Variants in CCDC3 observed in about 807,000 individuals in gnomAD.
CCDC3 encodes the protein coiled-coil domain-containing protein 3.
A neutral mutation model predicts 21.4 loss-of-function variants in CCDC3; 24 were observed. That is an observed-to-expected ratio of 1.12 (90% CI 0.81 to 1.58). The LOEUF is 1.58. Ranked by LOEUF, CCDC3 falls within the 40% of genes most tolerant of loss-of-function variation. CCDC3 has a pLI of 0.00. For synonymous variants in CCDC3, 186 were observed against 166.0 expected (o/e 1.12, Z -0.93); for missense variants, 425 against 360.9 (o/e 1.18, Z -1.44).
At chr10:12,912,513 A>T (rs568597460) in intron 2 of CCDC3, among the ~76,000 whole-genome samples, 121 of 150,682 alleles carry the variant, frequency 8.0e-4, no homozygotes, top group African/African-American at 2.9e-3. Context: ...TTGGTTATTA[A>T]CCCCTTATCA....
At chr10:13,043,564 GC>G (rs1296739540) in intron 5 of CCDC3, among the ~76,000 whole-genome samples, 4 of 152,130 alleles carry the variant, frequency 2.6e-5, no homozygotes, top group African/African-American at 9.7e-5. Flanking sequence ...CTGCATTCCA[GC>G]CAGGGGGGAC....
At position 13,001,233 on chromosome 10, in the gene CCDC3, G is replaced by C. The variant is rs565584330; in HGVS notation, c.338C>G (p.Thr113Ser). ...GAAATAGGAGTAGTCCTGGACCACGGTGTGGGAGTGGCACGAGAAGTAGCC... is the reference window on the plus strand; with the variant it reads ...GAAATAGGAGTAGTCCTGGACCACGCTGTGGGAGTGGCACGAGAAGTAGCC... ...GLGYFSCHSH[T>S]VVQDYSYFFF... Residue 113 changes from threonine to serine, a missense_variant, in exon 1 of 3, where the codon ACC (threonine) becomes AGC (serine). Coordinates refer to ENST00000378825, the MANE Select transcript of CCDC3 (RefSeq NM_031455.4). 15 of 1,577,632 alleles carry C rather than the reference G, an allele frequency of 9.5e-6. No homozygotes were observed. The highest frequency in any genetic ancestry group is 4.0e-5 in the African/African-American group (3 of 74,386).
chr10:12,904,493 A>AAAAAAAAAAAAC (rs1420619424), intron 2 of CCDC3, among the ~76,000 whole-genome samples: 1 of 146,248 alleles, frequency 6.8e-6, no homozygotes, highest in Non-Finnish European at 1.5e-5. Context: ...AAAAAAAAAG[A>AAAAAAAAAAAAC]CTGGCTCAGG....
intron 2 of CCDC3, among the ~76,000 whole-genome samples, chr10:12,969,627 G>A (rs1230817456): frequency 6.7e-6 from 1 of 150,096 alleles, no homozygotes; most frequent in Non-Finnish European, 1.5e-5. Context: ...GATAAAAAAA[G>A]TTTTTTTATA....
intron 3 of CCDC3, among the ~76,000 whole-genome samples, chr10:13,075,950 A>AT (rs1199242462): frequency 1.3e-5 from 2 of 152,128 alleles, no homozygotes; most frequent in Non-Finnish European, 2.9e-5. Flanking sequence ...GTAATCCCAG[A>AT]TATCCAAAGG....
chr10:12,981,849 G>A (rs1835502288), intron 2 of CCDC3, among the ~76,000 whole-genome samples: 1 of 151,994 alleles, frequency 6.6e-6, no homozygotes, highest in East Asian at 1.9e-4. Context: ...GAGCGGCTGG[G>A]CACGGTGGCT....
intron 5 of CCDC3, among the ~76,000 whole-genome samples, chr10:13,038,010 T>A (rs1286952856): frequency 6.6e-6 from 1 of 152,136 alleles, no homozygotes; most frequent in Non-Finnish European, 1.5e-5. Flanking sequence ...AGAGAAAATG[T>A]GGTACCATGG....
intron 5 of CCDC3, among the ~76,000 whole-genome samples, chr10:13,043,723 T>G (rs558792634): frequency 6.6e-6 from 1 of 152,364 alleles, no homozygotes. Context: ...CCCTGGTGCA[T>G]ATGTACCACA....
chr10:13,098,707 C>T (rs1832665663), intron 2 of CCDC3: 1 of 77,106 alleles, frequency 1.3e-5, no homozygotes, highest in Non-Finnish European at 2.4e-5. Context: ...ATTTCCTGCA[C>T]TGATTTTTTT....
intron 4 of CCDC3, among the ~76,000 whole-genome samples, chr10:13,062,370 C>T (rs535563410): frequency 2.8e-4 from 43 of 152,246 alleles, no homozygotes; most frequent in Non-Finnish European, 5.9e-4. Context: ...CATAAGATGC[C>T]ATGGGATGCT....
At chr10:13,085,196 G>C (rs1038701256) in intron 3 of CCDC3, among the ~76,000 whole-genome samples, 1 of 152,104 alleles carries the variant, frequency 6.6e-6, no homozygotes, top group African/African-American at 2.4e-5. Flanking sequence ...AGCAAGCCTG[G>C]GTCCCAGCCC....
chr10:12,963,919 C>T (rs182163046), intron 2 of CCDC3, among the ~76,000 whole-genome samples: 141 of 152,268 alleles, frequency 9.3e-4, no homozygotes, highest in African/African-American at 2.9e-3. Flanking sequence ...CTGTCTTTCA[C>T]ATGGCCATTA....
intron 2 of CCDC3, among the ~76,000 whole-genome samples, chr10:12,904,107 AT>A (rs1389208766): frequency 6.6e-6 from 1 of 151,888 alleles, no homozygotes; most frequent in Admixed American, 6.6e-5. Context: ...TGAGTATTTC[AT>A]GGGAGCTGGA....
At chr10:12,913,474 T>A (rs151188829) in intron 2 of CCDC3, among the ~76,000 whole-genome samples, 14 of 152,332 alleles carry the variant, frequency 9.2e-5, no homozygotes, top group South Asian at 8.3e-4. Context: ...GCTCTAATAG[T>A]TTTGGGTGGA....
At chr10:13,045,729 T>G (rs189311402) in intron 5 of CCDC3, among the ~76,000 whole-genome samples, 81 of 152,314 alleles carry the variant, frequency 5.3e-4, no homozygotes, top group African/African-American at 1.6e-3. Flanking sequence ...CTCATCAACA[T>G]TTTTCTCATT....
intron 2 of CCDC3, among the ~76,000 whole-genome samples, chr10:12,917,534 G>T (rs1200242229): frequency 1.3e-5 from 2 of 152,122 alleles, no homozygotes; most frequent in African/African-American, 2.4e-5. Flanking sequence ...GAGATACTGT[G>T]ATCTCTCACC....
At chr10:12,950,727 C>G (rs745536382) in intron 2 of CCDC3, among the ~76,000 whole-genome samples, 1 of 152,178 alleles carries the variant, frequency 6.6e-6, no homozygotes, top group Admixed American at 6.5e-5. Context: ...ATGTCAGAAA[C>G]CCTTAGAAGC....
At chr10:13,034,833 T>G (rs1026775159) in intron 5 of CCDC3, among the ~76,000 whole-genome samples, 1 of 152,062 alleles carries the variant, frequency 6.6e-6, no homozygotes, top group South Asian at 2.1e-4. Context: ...GAGACCAGCC[T>G]GGCCAACATG....
rs986574623 is a variant in CCDC3 at position 13,089,517 on chromosome 10, T to C, written c.-503+9008A>G. 3.9e-5 allele frequency among the ~76,000 whole-genome samples: 6 copies of C among 152,126 alleles called. No homozygotes were observed. The South Asian group carries it at 1.2e-3, about 32-fold the overall frequency. ...ACCTTCAATGCCCTCTCCTTCCTGA[T>C]ACTTTTCCTCACTTGACTTCGGGGA... On this transcript the variant is annotated intron_variant, in intron 3 of 6. Coordinates refer to the CCDC3 transcript ENST00000378839.
Sources: gnomAD v4.1 joint callset for allele counts (sites outside exome capture counted in the v4.1 genomes callset) on GRCh38, gnomAD v4.1.1 for gene constraint, MANE v1.5 for transcripts, NCBI Gene and HGNC (gene_info 2026-07-23, HGNC 2026-07-21) for gene names.